The following DNASE1 variants were observed in gnomAD, a reference collection of about 807,000 sequenced individuals.
DNASE1 encodes deoxyribonuclease 1.
Under a neutral mutation model 33.9 loss-of-function variants are expected in DNASE1, and 40 were observed. The observed-to-expected ratio is 1.18, with a 90% CI of 0.92 to 1.54. The LOEUF (loss-of-function observed/expected upper bound fraction) is 1.54. Among genes scored for constraint, DNASE1 ranks in the 40% most tolerant of loss-of-function variants. DNASE1 has a pLI of 0.00. For missense variants in DNASE1, 518 were observed against 372.6 expected, an observed-to-expected ratio of 1.39 and a Z score of -3.21; for synonymous variants, 216 against 160.0, an observed-to-expected ratio of 1.35 and a Z score of -2.64.
intron 7 of DNASE1, 79 bp downstream of exon 7, chr16:3,657,420 C>A: frequency 2.6e-6 from 4 of 1,561,866 alleles, no homozygotes; most frequent in Non-Finnish European, 2.6e-6. Context: ...GCTTCAGAAG[C>A]CTCAAAGCCT....
At chr16:3,636,657 T>TA (rs1402431854) in intron 1 of DNASE1, among the ~76,000 whole-genome samples, 1 of 151,498 alleles carries the variant, frequency 6.6e-6, no homozygotes, top group East Asian at 1.9e-4. Context: ...CCGTCTCTAC[T>TA]AAAAATAGAA....
chr16:3,646,876 G>T lies in DNASE1; in HGVS notation c.-86+3840G>T, dbSNP rs374006751. Among the ~76,000 whole-genome samples the T allele has an allele frequency of 2.6e-5, 4 of 152,174 alleles. No individual in the cohort carries two copies. The South Asian group carries it at 8.3e-4, about 32-fold the overall frequency. ...GCTGAGGGGGAGCGGGGCCTAGGATGATCTCAGGTATTCTAGCACCTGGAT... is the reference window on the plus strand; with the variant it reads ...GCTGAGGGGGAGCGGGGCCTAGGATTATCTCAGGTATTCTAGCACCTGGAT... On this transcript the variant is annotated intron_variant, in intron 1 of 9. Coordinates refer to the DNASE1 transcript ENST00000407479.
intron 1 of DNASE1, among the ~76,000 whole-genome samples, chr16:3,619,911 G>A (rs1259626417): frequency 6.6e-6 from 1 of 150,876 alleles, no homozygotes; most frequent in Non-Finnish European, 1.5e-5. Flanking sequence ...CATATGTATG[G>A]CTTTTCTTTT....
downstream of DNASE1, chr16:3,662,143 A>C: frequency 6.2e-7 from 1 of 1,608,670 alleles, no homozygotes; most frequent in Non-Finnish European, 8.5e-7. Flanking sequence ...CTGTGAGCAA[A>C]GCCCGGGGTT....
At chr16:3,622,282 C>G (rs959691236) in intron 1 of DNASE1, among the ~76,000 whole-genome samples, 1 of 149,840 alleles carries the variant, frequency 6.7e-6, no homozygotes, top group Non-Finnish European at 1.5e-5. Context: ...TCTTTTTACT[C>G]ATATCCACAC....
chr16:3,634,352 C>A (rs1423303101), intron 1 of DNASE1, among the ~76,000 whole-genome samples: 1 of 151,990 alleles, frequency 6.6e-6, no homozygotes, highest in Non-Finnish European at 1.5e-5. Flanking sequence ...CCTCAGCCTC[C>A]TGAGTAGCTG....
exon 10 of DNASE1, chr16:3,664,525 G>T (rs2151243681): frequency 2.6e-6 from 4 of 1,512,308 alleles, no homozygotes; most frequent in Non-Finnish European, 3.5e-6. Context: ...CCAACTAACT[G>T]GGCGCAAACC....
chr16:3,662,780 G>A (rs1376741659), downstream of DNASE1: 1 of 1,099,984 alleles, frequency 9.1e-7, no homozygotes, highest in Non-Finnish European at 1.4e-6. Flanking sequence ...TTCTGCTGCT[G>A]CTGGAAGGAC....
chr16:3,630,080 A>C (rs145999508), intron 1 of DNASE1, among the ~76,000 whole-genome samples: 1 of 152,172 alleles, frequency 6.6e-6, no homozygotes, highest in Non-Finnish European at 1.5e-5. Flanking sequence ...CGGCCTCCCA[A>C]AGTGCTGGCT....
At chr16:3,612,465 G>A (rs999817185) in intron 1 of DNASE1, among the ~76,000 whole-genome samples, 2 of 151,742 alleles carry the variant, frequency 1.3e-5, no homozygotes, top group Non-Finnish European at 2.9e-5. Context: ...TGCCCAGGCT[G>A]GTCTCCAACT....
At chr16:3,617,974 A>G (rs1334244537) in intron 1 of DNASE1, among the ~76,000 whole-genome samples, 2 of 152,014 alleles carry the variant, frequency 1.3e-5, no homozygotes, top group Non-Finnish European at 2.9e-5. Context: ...GAGCAGCCCA[A>G]ATGGACTAAG....
At chr16:3,662,765 A>C (rs1387455366), downstream of DNASE1, 1 of 950,256 alleles carries the variant, frequency 1.1e-6, no homozygotes, top group Admixed American at 1.9e-5. Context: ...CCTGACACCA[A>C]GGGCTTCTGC....
chr16:3,622,482 C>A (rs999247382), intron 1 of DNASE1, among the ~76,000 whole-genome samples: 2 of 151,976 alleles, frequency 1.3e-5, no homozygotes, highest in Non-Finnish European at 2.9e-5. Context: ...TGTGATTAAT[C>A]TTTTTCCTAT....
At chr16:3,632,299 G>T (rs530664455) in intron 1 of DNASE1, among the ~76,000 whole-genome samples, 8 of 152,264 alleles carry the variant, frequency 5.3e-5, no homozygotes, top group African/African-American at 1.9e-4. Flanking sequence ...TGTCCACTTT[G>T]ATAGATTGAT....
intron 1 of DNASE1, among the ~76,000 whole-genome samples, chr16:3,619,119 C>T (rs1216025101): frequency 6.6e-6 from 1 of 152,050 alleles, no homozygotes; most frequent in East Asian, 1.9e-4. Context: ...ACTGCAACCT[C>T]CACATCCCAG....
At chr16:3,644,871 G>A (rs577445420) in intron 1 of DNASE1, among the ~76,000 whole-genome samples, 7 of 152,208 alleles carry the variant, frequency 4.6e-5, no homozygotes, top group Non-Finnish European at 7.3e-5. Context: ...GCTCACGCCT[G>A]TAATCCCAGC....
chr16:3,637,298 C>A (rs1426526087), intron 1 of DNASE1, among the ~76,000 whole-genome samples: 1 of 152,098 alleles, frequency 6.6e-6, no homozygotes, highest in African/African-American at 2.4e-5. Context: ...GTAGAGACTT[C>A]TTAAATAAAG....
chr16:3,658,566 G>A (rs8047251), downstream of DNASE1: 223,015 of 577,106 alleles, frequency 0.39, 48,353 homozygotes, highest in African/African-American at 0.74. Flanking sequence ...CCAGCTACTC[G>A]GGAGGCTGAG....
chr16:3,655,664 G>C, intron 2 of DNASE1, 144 bp downstream of exon 2: 4 of 1,448,534 alleles, frequency 2.8e-6, no homozygotes, highest in Non-Finnish European at 3.8e-6. Flanking sequence ...CAGGCTCTTG[G>C]CTGTGGACCA....
Sources: gnomAD v4.1 joint callset for allele counts (sites outside exome capture counted in the v4.1 genomes callset) on GRCh38, gnomAD v4.1.1 for gene constraint, MANE v1.5 for transcripts, NCBI Gene and HGNC (gene_info 2026-07-23, HGNC 2026-07-21) for gene names.